The following ZNF407 variants were observed in gnomAD, a reference collection of about 807,000 sequenced individuals.
ZNF407 encodes the protein zinc finger protein 407.
Under a neutral mutation model 131.2 loss-of-function variants are expected in ZNF407, and 17 were observed. The observed-to-expected ratio is 0.13, with a 90% CI of 0.09 to 0.19. The LOEUF (loss-of-function observed/expected upper bound fraction) is 0.19. ZNF407 is among the 10% of genes least tolerant of loss of function. The pLI, the probability that ZNF407 is intolerant of heterozygous loss-of-function variation, is 1.00. For missense variants in ZNF407, 2,681 were observed against 2,830.6 expected, an observed-to-expected ratio of 0.95 and a Z score of 1.20; for synonymous variants, 1,156 against 1,062.0, an observed-to-expected ratio of 1.09 and a Z score of -1.72.
At chr18:74,646,156 T>A (rs941639160) in intron 3 of ZNF407, among the ~76,000 whole-genome samples, 1 of 152,194 alleles carries the variant, frequency 6.6e-6, no homozygotes, top group Non-Finnish European at 1.5e-5. Context: ...GCAGCAGGAA[T>A]AAATTAAAAT....
intron 8 of ZNF407, among the ~76,000 whole-genome samples, chr18:74,921,981 C>T (rs189879487): frequency 9.9e-5 from 15 of 152,208 alleles, no homozygotes; most frequent in East Asian, 3.9e-4. Context: ...TCATATTTCT[C>T]GATTGATGTT....
At chr18:74,987,606 G>C (rs1023960085) in intron 8 of ZNF407, among the ~76,000 whole-genome samples, 1 of 152,054 alleles carries the variant, frequency 6.6e-6, no homozygotes, top group Non-Finnish European at 1.5e-5. Context: ...ACTCTGAGGG[G>C]TTAGTGAAGC....
At chr18:74,893,850 A>G (rs1395642220) in intron 7 of ZNF407, among the ~76,000 whole-genome samples, 1 of 152,124 alleles carries the variant, frequency 6.6e-6, no homozygotes, top group Non-Finnish European at 1.5e-5. Context: ...TTTTATTTGT[A>G]TAATATCAAT....
At chr18:74,652,030 G>A (rs1311111364) in intron 3 of ZNF407, among the ~76,000 whole-genome samples, 2 of 152,090 alleles carry the variant, frequency 1.3e-5, no homozygotes, top group African/African-American at 4.8e-5. Context: ...CTTCCTGTAG[G>A]TAAAGATGAC....
intron 8 of ZNF407, among the ~76,000 whole-genome samples, chr18:74,930,471 C>T (rs1971970041): frequency 6.6e-6 from 1 of 152,070 alleles, no homozygotes; most frequent in Admixed American, 6.5e-5. Flanking sequence ...GTCATTTGCC[C>T]AATAATTTTG....
At chr18:74,893,665 A>C (rs576533735) in intron 7 of ZNF407, among the ~76,000 whole-genome samples, 25 of 152,264 alleles carry the variant, frequency 1.6e-4, no homozygotes, top group African/African-American at 5.8e-4. Flanking sequence ...CCTCACATAA[A>C]TGTATTTGTT....
intron 7 of ZNF407, among the ~76,000 whole-genome samples, chr18:74,894,630 A>G (rs927001096): frequency 1.3e-5 from 2 of 152,016 alleles, no homozygotes; most frequent in African/African-American, 2.4e-5. Context: ...TATTTCTTCC[A>G]TTTCTTCTCT....
chr18:74,978,529 G>A (rs1972553176), intron 8 of ZNF407, among the ~76,000 whole-genome samples: 1 of 151,972 alleles, frequency 6.6e-6, no homozygotes, highest in South Asian at 2.1e-4. Flanking sequence ...ACTACAAGAG[G>A]CAGCACACTG....
intron 4 of ZNF407, among the ~76,000 whole-genome samples, chr18:74,870,497 C>T (rs1426128116): frequency 6.6e-6 from 1 of 152,160 alleles, no homozygotes; most frequent in Non-Finnish European, 1.5e-5. Context: ...CCTTTCTATT[C>T]TTAGGTCTTT....
chr18:74,697,824 G>T (rs1255505116), intron 3 of ZNF407, among the ~76,000 whole-genome samples: 1 of 152,140 alleles, frequency 6.6e-6, no homozygotes, highest in Non-Finnish European at 1.5e-5. Flanking sequence ...TTTGTTTTAT[G>T]TTAGAATTGC....
At chr18:74,848,693 C>T (rs573816051) in intron 4 of ZNF407, among the ~76,000 whole-genome samples, 6 of 152,238 alleles carry the variant, frequency 3.9e-5, no homozygotes, top group Non-Finnish European at 7.4e-5. Flanking sequence ...AGAGTTGAGC[C>T]GTAAGGCCAG....
intron 3 of ZNF407, among the ~76,000 whole-genome samples, chr18:74,736,770 A>G (rs889167727): frequency 5.3e-5 from 8 of 152,186 alleles, no homozygotes; most frequent in Admixed American, 3.3e-4. Context: ...ATCTAAATAC[A>G]TATTTTTAAA....
intron 4 of ZNF407, among the ~76,000 whole-genome samples, chr18:74,822,381 G>A (rs896184256): frequency 2.0e-5 from 3 of 152,112 alleles, no homozygotes; most frequent in African/African-American, 7.2e-5. Flanking sequence ...TTTCTTCTAG[G>A]ATTTTTATGG....
At chr18:74,960,836 T>G (rs1229427062) in intron 8 of ZNF407, among the ~76,000 whole-genome samples, 5 of 121,192 alleles carry the variant, frequency 4.1e-5, no homozygotes, top group African/African-American at 1.0e-4. Context: ...CCTGAGTCAG[T>G]GCTGGGTGGA....
At chr18:74,655,039 A>G (rs554499147) in intron 3 of ZNF407, among the ~76,000 whole-genome samples, 1 of 152,120 alleles carries the variant, frequency 6.6e-6, no homozygotes, top group African/African-American at 2.4e-5. Flanking sequence ...TCAATGTCTG[A>G]TAATGCCATT....
chr18:74,603,500 A>G (rs1389610508), intron 1 of ZNF407, among the ~76,000 whole-genome samples: 1 of 152,222 alleles, frequency 6.6e-6, no homozygotes, highest in Non-Finnish European at 1.5e-5. Context: ...TCTATGAAGC[A>G]GTTCTGACAG....
intron 4 of ZNF407, among the ~76,000 whole-genome samples, chr18:74,870,145 C>T (rs1182028835): frequency 6.6e-6 from 1 of 152,152 alleles, no homozygotes; most frequent in East Asian, 1.9e-4. Context: ...CTTAATGCTC[C>T]TCCCAGAAGT....
intron 1 of ZNF407, among the ~76,000 whole-genome samples, chr18:74,624,937 G>A (rs1983721328): frequency 6.6e-6 from 1 of 152,132 alleles, no homozygotes; most frequent in African/African-American, 2.4e-5. Flanking sequence ...CCTTGCTCAC[G>A]TATACTCTGT....
chr18:74,892,788 T>G (rs1195297020), intron 7 of ZNF407, among the ~76,000 whole-genome samples: 1 of 152,218 alleles, frequency 6.6e-6, no homozygotes, highest in Admixed American at 6.5e-5. Context: ...CAAGTTACAT[T>G]GATGCACAAT....
Sources: gnomAD v4.1 joint callset for allele counts (sites outside exome capture counted in the v4.1 genomes callset) on GRCh38, gnomAD v4.1.1 for gene constraint, MANE v1.5 for transcripts, NCBI Gene and HGNC (gene_info 2026-07-23, HGNC 2026-07-21) for gene names.